The following SPMIP11 variants were observed in gnomAD, a reference collection of about 807,000 sequenced individuals.
The protein encoded by SPMIP11 is sperm microtubule inner protein 11.
chr12:48,743,586 T>C, the SPMIP11 span, among the ~76,000 whole-genome samples: 2 of 150,374 alleles, frequency 1.3e-5, no homozygotes, highest in African/African-American at 4.9e-5. Flanking sequence ...GCGGGCAGAT[T>C]GCCTGAGCTC....
At chr12:48,757,918 C>T in the SPMIP11 span, among the ~76,000 whole-genome samples, 8 of 151,944 alleles carry the variant, frequency 5.3e-5, no homozygotes, top group East Asian at 1.9e-4. Context: ...CGCTTGAACC[C>T]GGCAGATAGA....
chr12:48,733,072 C>CTTTTTTTTTTTTTTTT, the SPMIP11 span, among the ~76,000 whole-genome samples: 1 of 110,856 alleles, frequency 9.0e-6, no homozygotes, highest in Non-Finnish European at 1.7e-5. Flanking sequence ...ACAAGTTAAT[C>CTTTTTTTTTTTTTTTT]TTTTTTTTTT....
chr12:48,732,146 C>CAAAA, the SPMIP11 span, among the ~76,000 whole-genome samples: 1 of 100,740 alleles, frequency 9.9e-6, no homozygotes, highest in Non-Finnish European at 2.1e-5. Flanking sequence ...AAGATTGTCT[C>CAAAA]AAAAAAAAAA....
the SPMIP11 span, chr12:48,765,623 A>G: frequency 1.4e-6 from 1 of 702,976 alleles, no homozygotes; most frequent in East Asian, 2.7e-5. Context: ...GGATCACTCT[A>G]TTCTCAATGA....
At chr12:48,768,503 T>C in the SPMIP11 span, 1 of 1,592,024 alleles carries the variant, frequency 6.3e-7, no homozygotes, top group Non-Finnish European at 8.6e-7. Context: ...GGAGGCTCAG[T>C]GCCCCCTGCC....
chr12:48,737,815 T>G, the SPMIP11 span, among the ~76,000 whole-genome samples: 4 of 152,004 alleles, frequency 2.6e-5, no homozygotes, highest in African/African-American at 9.7e-5. Flanking sequence ...TTGATATTAT[T>G]ATCATTATTA....
chr12:48,767,408 G>A, the SPMIP11 span: 1 of 152,782 alleles, frequency 6.5e-6, no homozygotes, highest in Non-Finnish European at 1.5e-5. Flanking sequence ...ATCCCCTGAA[G>A]TAGGAAACCC....
the SPMIP11 span, among the ~76,000 whole-genome samples, chr12:48,763,302 C>A: frequency 6.6e-6 from 1 of 152,048 alleles, no homozygotes; most frequent in African/African-American, 2.4e-5. Context: ...GCTTCCTGAG[C>A]AGCTGGTACT....
the SPMIP11 span, among the ~76,000 whole-genome samples, chr12:48,737,667 G>A: frequency 2.7e-5 from 4 of 150,278 alleles, no homozygotes; most frequent in East Asian, 2.0e-4. Flanking sequence ...CACCCGCCTC[G>A]GCCTCCCAAA....
At chr12:48,735,159 A>C in the SPMIP11 span, among the ~76,000 whole-genome samples, 1 of 152,098 alleles carries the variant, frequency 6.6e-6, no homozygotes, top group Non-Finnish European at 1.5e-5. Flanking sequence ...TTCTGCCAAC[A>C]ACCTGAATGA....
At chr12:48,727,596 C>T in the SPMIP11 span, 10 of 699,806 alleles carry the variant, frequency 1.4e-5, no homozygotes, top group African/African-American at 3.5e-5. Context: ...AGAAGGGCCA[C>T]TTCTTTACCT....
chr12:48,736,180 G>A, the SPMIP11 span: 1 of 406,528 alleles, frequency 2.5e-6, no homozygotes, highest in African/African-American at 2.1e-5. Context: ...GAGGTGAGTG[G>A]ATTCCTTGAG....
chr12:48,738,303 ATC>A, the SPMIP11 span, among the ~76,000 whole-genome samples: 315 of 152,318 alleles, frequency 2.1e-3, 3 homozygotes, highest in African/African-American at 7.2e-3. Flanking sequence ...GAAGCAACTT[ATC>A]TCGATAATTC....
chr12:48,759,716 A>C, the SPMIP11 span, among the ~76,000 whole-genome samples: 41 of 151,816 alleles, frequency 2.7e-4, no homozygotes, highest in African/African-American at 9.4e-4. Flanking sequence ...TATGGTTATC[A>C]GGCAGGAAGA....
At chr12:48,757,654 A>AAAAT in the SPMIP11 span, among the ~76,000 whole-genome samples, 23 of 33,994 alleles carry the variant, frequency 6.8e-4, no homozygotes, top group Non-Finnish European at 5.3e-4. Context: ...TCAAAAAAAT[A>AAAAT]AAAATAAAAA....
the SPMIP11 span, among the ~76,000 whole-genome samples, chr12:48,729,270 T>G: frequency 6.6e-6 from 1 of 151,846 alleles, no homozygotes; most frequent in Non-Finnish European, 1.5e-5. Context: ...GCGCGGTGGC[T>G]CACGCCTGTA....
the SPMIP11 span, chr12:48,771,008 A>C: frequency 6.3e-7 from 1 of 1,595,670 alleles, no homozygotes; most frequent in Non-Finnish European, 8.6e-7. This position sits in a 1 kb window ranked among gnomAD's most constrained non-coding sequence, Gnocchi z 4.3. Flanking sequence ...CAAGGCAAAG[A>C]CCCCAGACCC....
chr12:48,752,669 CTTT>C, the SPMIP11 span, among the ~76,000 whole-genome samples: 1,288 of 119,232 alleles, frequency 0.011, 12 homozygotes, highest in African/African-American at 0.028. Flanking sequence ...CCTATTTATT[CTTT>C]TTTTTTTTTT....
chr12:48,763,772 G>A, the SPMIP11 span, among the ~76,000 whole-genome samples: 2 of 150,530 alleles, frequency 1.3e-5, no homozygotes, highest in Non-Finnish European at 2.9e-5. Flanking sequence ...TCCATCTCTC[G>A]GGTTCAAGCA....
Sources: gnomAD v4.1 joint callset for allele counts (sites outside exome capture counted in the v4.1 genomes callset) on GRCh38, gnomAD v4.1.1 for gene constraint, Gnocchi (gnomAD v3.1) non-coding constraint, MANE v1.5 for transcripts, NCBI Gene and HGNC (gene_info 2026-07-23, HGNC 2026-07-21) for gene names.